Variants in LIMCH1 observed in about 807,000 individuals in gnomAD.
LIMCH1 encodes LIM and calponin homology domains 1.
A neutral mutation model predicts 176.5 loss-of-function variants in LIMCH1; 113 were observed. The observed-to-expected ratio is 0.64, with a 90% CI of 0.55 to 0.75. The LOEUF is 0.75. Among genes scored for constraint, LIMCH1 ranks in the 30% least tolerant of loss-of-function variants. The pLI, the probability that LIMCH1 is intolerant of heterozygous loss-of-function variation, is 0.00. For missense variants in LIMCH1, 1,674 were observed against 1,814.9 expected (o/e 0.92, Z 1.41); for synonymous variants, 619 against 645.9 (o/e 0.96, Z 0.63).
At chr4:41,628,006 A>G (rs1046368912) in intron 8 of LIMCH1, among the ~76,000 whole-genome samples, 10 of 152,140 alleles carry the variant, frequency 6.6e-5, no homozygotes, top group Non-Finnish European at 1.3e-4. Flanking sequence ...AGATACAAAA[A>G]CCCATGAGGG....
intron 27 of LIMCH1, among the ~76,000 whole-genome samples, chr4:41,684,787 T>C (rs1719297475): frequency 6.6e-6 from 1 of 152,160 alleles, no homozygotes; most frequent in African/African-American, 2.4e-5. Context: ...TCATAAGTAG[T>C]GCATTCTGAG....
intron 24 of LIMCH1, among the ~76,000 whole-genome samples, chr4:41,680,438 T>C (rs1246980772): frequency 2.0e-5 from 3 of 152,200 alleles, no homozygotes. Context: ...TGTTTGGTAA[T>C]AGTGAATTAA....
intron 1 of LIMCH1, among the ~76,000 whole-genome samples, chr4:41,406,823 T>C (rs1337177815): frequency 6.6e-6 from 1 of 152,146 alleles, no homozygotes; most frequent in African/African-American, 2.4e-5. Context: ...GGATATATAT[T>C]CATTATTAGA....
chr4:41,646,647 GC>G lies in LIMCH1; in HGVS notation c.2576del (p.Pro859GlnfsTer7). On this transcript the variant is annotated frameshift_variant, in exon 17 of 32. Transcript: ENST00000503057. LOFTEE classifies it high-confidence loss of function. ...TTCTGGAAAGAAGCCATTCAACAGA[GC>G]CAAATTTATCCTCCTTCCTGAATGA... is the stretch of plus-strand genomic sequence containing the variant. Reference protein sequence around the residue: ...KILERSHSTEPNLSSFLNDPN... With the variant: ...KILERSHSTEXNLSSFLNDPN... 1 of 1,614,220 alleles carries G rather than the reference GC, an allele frequency of 6.2e-7. No individual in the cohort carries two copies. The highest frequency in any genetic ancestry group is 8.5e-7 in the Non-Finnish European group (1 of 1,180,044).
intron 1 of LIMCH1, among the ~76,000 whole-genome samples, chr4:41,544,213 C>T (rs959993102): frequency 2.0e-5 from 3 of 151,762 alleles, no homozygotes; most frequent in Non-Finnish European, 4.4e-5. Context: ...CTTTTGAGAA[C>T]AAATAGAGCT....
chr4:41,491,535 T>C (rs1295066340), intron 1 of LIMCH1, among the ~76,000 whole-genome samples: 1 of 111,022 alleles, frequency 9.0e-6, no homozygotes, highest in South Asian at 3.3e-4. Context: ...CATCCCATAC[T>C]GGGCGGCCGG....
chr4:41,603,943 TTC>T (rs778276409), intron 3 of LIMCH1, 38 bp downstream of exon 3: 14 of 1,566,768 alleles, frequency 8.9e-6, no homozygotes, highest in Non-Finnish European at 1.2e-5. Context: ...TCTTTGATGG[TTC>T]AAGTGTAAAA....
chr4:41,648,080 T>C (rs2094138227), intron 17 of LIMCH1, among the ~76,000 whole-genome samples: 1 of 152,246 alleles, frequency 6.6e-6, no homozygotes, highest in Non-Finnish European at 1.5e-5. Context: ...CACATGCTCA[T>C]GTGTGCTCAG....
At chr4:41,562,386 A>G (rs906817470) in intron 1 of LIMCH1, among the ~76,000 whole-genome samples, 8 of 152,270 alleles carry the variant, frequency 5.3e-5, no homozygotes, top group African/African-American at 1.7e-4. Flanking sequence ...CATTTGAAGA[A>G]GTCTGAGAGA....
intron 1 of LIMCH1, among the ~76,000 whole-genome samples, chr4:41,477,149 A>C (rs180709706): frequency 2.7e-3 from 417 of 152,298 alleles, no homozygotes; most frequent in Middle Eastern, 0.01. Flanking sequence ...CCTGCTAGCT[A>C]TAGGAAATTG....
At chr4:41,606,156 G>C (rs2090681639) in intron 4 of LIMCH1, 152 bp downstream of exon 4, 1 of 573,758 alleles carries the variant, frequency 1.7e-6, no homozygotes, top group African/African-American at 1.9e-5. Flanking sequence ...TCTTACCAAT[G>C]ACATCTTTGC....
At position 41,525,248 on chromosome 4, in the gene LIMCH1, GCA is replaced by G. The variant is rs368795010; in HGVS notation, c.237+783_237+784del. Among the ~76,000 whole-genome samples, 189 of 151,564 alleles carry G rather than the reference GCA, an allele frequency of 1.2e-3. 1 individual carries two copies. Among genetic ancestry groups the G allele is most frequent in the East Asian group, 7.4e-3 (38 of 5,158 alleles). ...TGTGTGTGTGCGTGCACACGCGCGC[GCA>G]CACACACACACAGAGCAGAGGAAGT... On this transcript the variant is annotated intron_variant, in intron 3 of 26. Transcript: ENST00000313860.
chr4:41,367,105 C>T (rs941588979), intron 1 of LIMCH1, among the ~76,000 whole-genome samples: 2 of 152,218 alleles, frequency 1.3e-5, no homozygotes, highest in African/African-American at 2.4e-5. Flanking sequence ...ATGGGGTAAC[C>T]GCCCCCGTGA....
At chr4:41,487,718 G>A (rs1354974604) in intron 1 of LIMCH1, among the ~76,000 whole-genome samples, 3 of 144,788 alleles carry the variant, frequency 2.1e-5, no homozygotes, top group Non-Finnish European at 4.5e-5. Flanking sequence ...GAGTGCAGTG[G>A]TGTGATCTCG....
In LIMCH1 at chr4:41,698,323, T is replaced by A. The variant is rs1181933346; in HGVS notation, c.*1138T>A. On this transcript the variant is annotated 3_prime_UTR_variant, in exon 32 of 32. Transcript: ENST00000503057. ...TTCAATGAATACCTACTCTCCTCCA[T>A]TCTCCATCACTTTTTTTGCTATCAA... 6.6e-6 allele frequency: 1 copy of A among 152,278 alleles called. No homozygotes were observed. The highest frequency in any genetic ancestry group is 2.1e-4 in the South Asian group (1 of 4,826). The allele number at this position is 152,278 out of a possible 1,614,324, so 9.4% of individuals were successfully genotyped here.
intron 8 of LIMCH1, 66 bp downstream of exon 8, chr4:41,627,076 G>A: frequency 2.7e-6 from 4 of 1,480,338 alleles, no homozygotes; most frequent in Non-Finnish European, 3.6e-6. Context: ...CACAGGGAGA[G>A]AGGACATAAT....
At chr4:41,413,112 A>C (rs2059629583) in intron 1 of LIMCH1, among the ~76,000 whole-genome samples, 1 of 152,070 alleles carries the variant, frequency 6.6e-6, no homozygotes. Flanking sequence ...TTGATCTGTA[A>C]GTTGTTTAAA....
chr4:41,574,755 G>T (rs939070924), intron 1 of LIMCH1, among the ~76,000 whole-genome samples: 2 of 152,100 alleles, frequency 1.3e-5, no homozygotes, highest in Non-Finnish European at 2.9e-5. Flanking sequence ...TTTGCTTTCT[G>T]GAAAACATTT....
At chr4:41,569,726 T>C (rs1004788885) in intron 1 of LIMCH1, among the ~76,000 whole-genome samples, 1 of 152,170 alleles carries the variant, frequency 6.6e-6, no homozygotes, top group African/African-American at 2.4e-5. Context: ...ATATTCAATA[T>C]TGAAGTGGGT....
Sources: allele counts gnomAD v4.1 joint callset (sites outside exome capture counted in the v4.1 genomes callset), GRCh38; gene constraint gnomAD v4.1.1; transcripts MANE v1.5; gene names NCBI Gene and HGNC (gene_info 2026-07-23, HGNC 2026-07-21).